Variants in RBFOX1 observed in about 807,000 individuals in gnomAD.
RBFOX1 encodes the protein RNA binding fox-1 homolog 1.
RBFOX1 carries 8 observed loss-of-function variants against 57.7 expected under a neutral mutation model. The observed-to-expected ratio is 0.14, with a 90% CI of 0.08 to 0.25. RBFOX1 has a LOEUF of 0.25. Ranked by LOEUF, RBFOX1 falls within the 10% of genes least tolerant of loss-of-function variation. The pLI is 1.00. For missense variants in RBFOX1, 611 were observed against 548.5 expected, an observed-to-expected ratio of 1.11 and a Z score of -1.14; for synonymous variants, 326 against 222.4, an observed-to-expected ratio of 1.47 and a Z score of -4.15.
chr16:6,882,639 C>G (rs988543559), intron 3 of RBFOX1, among the ~76,000 whole-genome samples: 1 of 152,004 alleles, frequency 6.6e-6, no homozygotes, highest in East Asian at 1.9e-4. Context: ...TTGCAGAGTC[C>G]TCAGTGCAGT....
At chr16:7,465,167 C>T (rs1391043706) in intron 4 of RBFOX1, among the ~76,000 whole-genome samples, 2 of 152,202 alleles carry the variant, frequency 1.3e-5, no homozygotes, top group African/African-American at 4.8e-5. Context: ...CACCTAGAAT[C>T]CTCCTTTTGA....
chr16:5,610,041 A>G (rs893059520), intron 3 of RBFOX1, among the ~76,000 whole-genome samples: 2 of 152,120 alleles, frequency 1.3e-5, no homozygotes, highest in African/African-American at 4.8e-5. Flanking sequence ...TGATGCTCAC[A>G]CAACACTGAG....
At chr16:5,299,795 C>G (rs369441806) in intron 1 of RBFOX1, among the ~76,000 whole-genome samples, 1 of 151,896 alleles carries the variant, frequency 6.6e-6, no homozygotes, top group Non-Finnish European at 1.5e-5. Flanking sequence ...ATTTTTTTCC[C>G]TATTGAACTA....
chr16:6,288,754 A>G (rs1344472), intron 1 of RBFOX1, among the ~76,000 whole-genome samples: 24,186 of 152,154 alleles, frequency 0.16, 2,301 homozygotes, highest in Non-Finnish European at 0.2. Context: ...CTCTAAGCAG[A>G]TAGCACCTGA....
intron 1 of RBFOX1, among the ~76,000 whole-genome samples, chr16:5,437,376 C>T (rs766012294): frequency 2.6e-5 from 4 of 151,882 alleles, no homozygotes; most frequent in Non-Finnish European, 4.4e-5. Flanking sequence ...TATGATATAC[C>T]GAAAACCTTA....
rs545641446 is a variant in RBFOX1 at position 7,217,945 on chromosome 16, T to C, written c.27+165847T>C. ...GTGTAGGTGTGTGCGTGCATGTGTGTGTGTGTGCACATGTGTACCTGTGTC... is the reference window on the plus strand; with the variant it reads ...GTGTAGGTGTGTGCGTGCATGTGTGCGTGTGTGCACATGTGTACCTGTGTC... On this transcript the variant is annotated intron_variant, in intron 4 of 15. Transcript: ENST00000550418. Among the ~76,000 whole-genome samples, 16 of 151,738 alleles carry C rather than the reference T, an allele frequency of 1.1e-4. No individual in the cohort carries two copies. The South Asian group carries it at 3.3e-3, about 32-fold the overall frequency.
At chr16:5,730,171 A>C (rs1479154009) in intron 3 of RBFOX1, among the ~76,000 whole-genome samples, 1 of 152,222 alleles carries the variant, frequency 6.6e-6, no homozygotes, top group Non-Finnish European at 1.5e-5. Flanking sequence ...TATAATGTTC[A>C]TTGAATTAGC....
rs763882739 is a variant in RBFOX1, at chr16:7,236,222, A to G, written c.27+184124A>G. On this transcript the variant is annotated intron_variant, in intron 4 of 15. Coordinates refer to ENST00000550418, the MANE Select transcript of RBFOX1 (RefSeq NM_018723.4). Reference sequence around the variant, plus strand: ...ATCAAAGTAAATATTCAAGAGTTATATTTAGATCTGTAAAGGGAAGCCCAA... The same window carrying G: ...ATCAAAGTAAATATTCAAGAGTTATGTTTAGATCTGTAAAGGGAAGCCCAA... Among the ~76,000 whole-genome samples, 6 of 152,220 alleles carry G rather than the reference A, an allele frequency of 3.9e-5. No individual in the cohort carries two copies. The South Asian group carries it at 8.3e-4, about 21-fold the overall frequency.
intron 4 of RBFOX1, among the ~76,000 whole-genome samples, chr16:5,886,202 G>A (rs1567670555): frequency 6.6e-6 from 1 of 152,150 alleles, no homozygotes; most frequent in African/African-American, 2.4e-5. Flanking sequence ...CCAGTTTCAG[G>A]TATTGCCTTG....
At chr16:7,405,937 G>A (rs539750202) in intron 4 of RBFOX1, among the ~76,000 whole-genome samples, 2 of 152,130 alleles carry the variant, frequency 1.3e-5, no homozygotes, top group South Asian at 2.1e-4. Context: ...TAGTTGTCAC[G>A]ACTGGGCAGT....
chr16:7,540,459 G>C (rs1480318510), intron 5 of RBFOX1, among the ~76,000 whole-genome samples: 3 of 152,186 alleles, frequency 2.0e-5, no homozygotes, highest in Non-Finnish European at 4.4e-5. Flanking sequence ...TTTATCATCA[G>C]TTATACAATT....
chr16:7,636,031 C>T (rs1178751292), intron 11 of RBFOX1, among the ~76,000 whole-genome samples: 1 of 152,190 alleles, frequency 6.6e-6, no homozygotes, highest in Non-Finnish European at 1.5e-5. Flanking sequence ...AGGATGATCT[C>T]AATCTCCTGA....
chr16:6,650,127 T>G (rs184385091), intron 2 of RBFOX1, among the ~76,000 whole-genome samples: 20 of 152,314 alleles, frequency 1.3e-4, no homozygotes, highest in African/African-American at 3.4e-4. Flanking sequence ...TGTTTTTAAT[T>G]TTTTGAGAAG....
intron 4 of RBFOX1, among the ~76,000 whole-genome samples, chr16:7,060,170 G>A (rs1009230375): frequency 1.2e-4 from 18 of 152,276 alleles, no homozygotes; most frequent in Non-Finnish European, 1.3e-4. Context: ...GAAGGCCATA[G>A]GGTCTCCATT....
chr16:7,607,454 A>C (rs2095322074), intron 10 of RBFOX1, 116 bp downstream of exon 10: 29 of 956,100 alleles, frequency 3.0e-5, no homozygotes, highest in Non-Finnish European at 4.7e-5. Context: ...TATCCTAACA[A>C]GTTCTGAATG....
chr16:6,220,451 T>C (rs12325559), intron 1 of RBFOX1, among the ~76,000 whole-genome samples: 64,875 of 152,078 alleles, frequency 0.43, 15,489 homozygotes, highest in East Asian at 0.8. Context: ...TACTTGGTAA[T>C]AGCTTTCATT....
rs2087138514 is a variant in RBFOX1 at position 6,355,494 on chromosome 16, A to G, written c.-64+38437A>G. On this transcript the variant is annotated intron_variant, in intron 2 of 15. Coordinates refer to ENST00000550418, the MANE Select transcript of RBFOX1 (RefSeq NM_018723.4). ...CTTTTTTATGGCTGCATAGTATTCC[A>G]TGGTGTATGTGTGCCACATTTTCTT... is the stretch of plus-strand genomic sequence containing the variant. Among the ~76,000 whole-genome samples, 3 of 152,164 alleles carry G rather than the reference A, an allele frequency of 2.0e-5. No homozygotes were observed. In the South Asian group the frequency reaches 6.2e-4, roughly 32 times the overall value.
intron 4 of RBFOX1, among the ~76,000 whole-genome samples, chr16:7,242,417 C>T (rs915972464): frequency 2.0e-5 from 3 of 152,118 alleles, no homozygotes; most frequent in Non-Finnish European, 4.4e-5. Context: ...TCTCTCTGAG[C>T]TTTAGTTCTT....
chr16:6,507,429 G>C (rs2096129687), intron 2 of RBFOX1, among the ~76,000 whole-genome samples: 1 of 146,946 alleles, frequency 6.8e-6, no homozygotes, highest in Non-Finnish European at 1.5e-5. Flanking sequence ...CCAACACTTT[G>C]TGAGGCTAAG....
Sources: allele counts gnomAD v4.1 joint callset (sites outside exome capture counted in the v4.1 genomes callset), GRCh38; gene constraint gnomAD v4.1.1; transcripts MANE v1.5; gene names NCBI Gene and HGNC (gene_info 2026-07-23, HGNC 2026-07-21).